Variants in POF1B observed in about 807,000 individuals in gnomAD.
POF1B encodes protein POF1B.
POF1B carries 53 observed loss-of-function variants against 55.3 expected under a neutral mutation model. The observed-to-expected ratio is 0.96, with a 90% CI of 0.77 to 1.20. The LOEUF (loss-of-function observed/expected upper bound fraction) is 1.20. POF1B is among the 50% of genes most tolerant of loss of function. POF1B has a pLI of 0.00. For missense variants in POF1B, 478 were observed against 420.5 expected (o/e 1.14, Z -1.20); for synonymous variants, 188 against 148.3 (o/e 1.27, Z -1.95).
At chrX:85,295,140 T>C (rs1392333842) in intron 15 of POF1B, among the ~76,000 whole-genome samples, 1 of 112,046 alleles carries the variant, frequency 8.9e-6, no homozygotes, top group African/African-American at 3.2e-5. Context: ...AGTGTTCAAT[T>C]GGTCTTTTTT....
At chrX:85,349,579 A>G (rs370242303) in intron 5 of POF1B, among the ~76,000 whole-genome samples, 23 of 111,109 alleles carry the variant, frequency 2.1e-4, no homozygotes, top group African/African-American at 7.2e-4. Flanking sequence ...GGACACAGAA[A>G]CAAACATGCA....
At chrX:85,346,125 A>G in intron 5 of POF1B, 83 bp from the exon 6 acceptor site, 1 of 732,980 alleles carries the variant, frequency 1.4e-6, no homozygotes, top group Non-Finnish European at 1.8e-6. Flanking sequence ...ATTTTTTTAA[A>G]CTTAATGTTT....
intron 7 of POF1B, among the ~76,000 whole-genome samples, chrX:85,319,951 C>A (rs1448114592): frequency 9.0e-6 from 1 of 111,114 alleles, no homozygotes; most frequent in Non-Finnish European, 1.9e-5. Flanking sequence ...ATGATACCAA[C>A]TCTTCCTTAT....
intron 6 of POF1B, among the ~76,000 whole-genome samples, chrX:85,337,414 C>T (rs975990417): frequency 9.0e-6 from 1 of 111,711 alleles, no homozygotes; most frequent in Admixed American, 9.5e-5. Flanking sequence ...TTCAGTGATA[C>T]GAAGTTACAT....
intron 6 of POF1B, among the ~76,000 whole-genome samples, chrX:85,344,005 C>G (rs1933224239): frequency 9.0e-6 from 1 of 111,282 alleles, no homozygotes; most frequent in African/African-American, 3.3e-5. Context: ...ATAGCACCTT[C>G]CTAATCTGAT....
At chrX:85,367,647 A>AT (rs1933748781) in intron 3 of POF1B, 45 bp downstream of exon 3, 2 of 991,006 alleles carry the variant, frequency 2.0e-6, no homozygotes, top group African/African-American at 3.8e-5. Flanking sequence ...AGACTTCCAT[A>AT]TAAAAAAGAG....
At chrX:85,309,472 G>T (rs1367739656) in intron 9 of POF1B, among the ~76,000 whole-genome samples, 2 of 111,510 alleles carry the variant, frequency 1.8e-5, no homozygotes, top group Non-Finnish European at 3.8e-5. Flanking sequence ...ACCCAAATTG[G>T]TGAAAAGAGA....
chrX:85,304,235 T>C, intron 14 of POF1B, 108 bp downstream of exon 14: 1 of 786,629 alleles, frequency 1.3e-6, no homozygotes, highest in Non-Finnish European at 1.7e-6. Context: ...TTAAATAAAG[T>C]GACTCTTGGA....
At position 85,293,689 on chromosome X, in the gene POF1B, A is replaced by G. The variant is rs751912869; in HGVS notation, c.1649+9717T>C. On this transcript the variant is annotated intron_variant, in intron 15 of 16. Coordinates refer to ENST00000262753, the MANE Select transcript of POF1B (RefSeq NM_024921.4). The stretch of plus-strand genomic sequence containing the variant: ...AAAATAAAAGTTAAAGAAGAAAAAA[A>G]CAGGCCGGGCATGGTGGCTCATGTC... Among the ~76,000 whole-genome samples the G allele has an allele frequency of 3.6e-5, 4 of 112,275 alleles. No homozygotes were observed. In the South Asian group the frequency reaches 1.5e-3, roughly 42 times the overall value.
At chrX:85,356,325 G>T (rs751691372) in intron 4 of POF1B, among the ~76,000 whole-genome samples, 1 of 107,202 alleles carries the variant, frequency 9.3e-6, no homozygotes, top group African/African-American at 3.4e-5. Context: ...GGAGGGAGGG[G>T]GGGATAGCAT....
intron 4 of POF1B, among the ~76,000 whole-genome samples, chrX:85,353,941 T>C (rs1933437100): frequency 9.0e-6 from 1 of 111,276 alleles, no homozygotes; most frequent in Non-Finnish European, 1.9e-5. Context: ...CAGATGAGAA[T>C]TATAAAGTGG....
intron 15 of POF1B, among the ~76,000 whole-genome samples, chrX:85,284,064 T>A (rs1310613112): frequency 9.0e-6 from 1 of 110,639 alleles, no homozygotes; most frequent in Non-Finnish European, 1.9e-5. Context: ...CACAATTGCT[T>A]CAAAGAGAAT....
chrX:85,283,042 A>C (rs958051399), intron 15 of POF1B, among the ~76,000 whole-genome samples: 1 of 111,619 alleles, frequency 9.0e-6, no homozygotes, highest in African/African-American at 3.3e-5. Flanking sequence ...AATTAGCCTC[A>C]AAGTACAGGT....
chrX:85,296,800 G>A lies in POF1B; in HGVS notation c.1649+6606C>T, dbSNP rs368984356. ...ATGTCAACCTCTCTAATGAGATTGA[G>A]GAAATTTTCATGGACCATATCCTCA... On this transcript the variant is annotated intron_variant, in intron 15 of 16. Transcript: ENST00000262753. Among the ~76,000 whole-genome samples the A allele has an allele frequency of 8.1e-5, 9 of 111,779 alleles. No homozygotes were observed. In the East Asian group the frequency reaches 2.0e-3, roughly 25 times the overall value.
chrX:85,364,472 A>G (rs1452716747), intron 3 of POF1B, among the ~76,000 whole-genome samples: 2 of 111,787 alleles, frequency 1.8e-5, no homozygotes, highest in Non-Finnish European at 3.8e-5. Flanking sequence ...GCATTTGCTT[A>G]TCTGAAAATA....
At chrX:85,358,938 C>T (rs1933554204) in intron 4 of POF1B, among the ~76,000 whole-genome samples, 1 of 111,244 alleles carries the variant, frequency 9.0e-6, no homozygotes, top group Admixed American at 9.6e-5. Context: ...CATCATGAAA[C>T]TTGAAATTTG....
intron 11 of POF1B, 91 bp downstream of exon 11, chrX:85,307,072 C>T: frequency 1.4e-6 from 1 of 724,682 alleles, no homozygotes; most frequent in South Asian, 2.7e-5. Flanking sequence ...TTAATTCTGT[C>T]TTGATTATAT....
In POF1B at chrX:85,297,940, T is replaced by C. The variant is rs1235262070; in HGVS notation, c.1649+5466A>G. On this transcript the variant is annotated intron_variant, in intron 15 of 16. Coordinates refer to ENST00000262753, the MANE Select transcript of POF1B (RefSeq NM_024921.4). Reference sequence around the variant, plus strand: ...TTGAGACTGGGGGCTCCTCCCCAGATTGAGTTCTGGCAAAAATCTCAACTC... The same window carrying C: ...TTGAGACTGGGGGCTCCTCCCCAGACTGAGTTCTGGCAAAAATCTCAACTC... Among the ~76,000 whole-genome samples, 6 of 112,300 alleles carry C rather than the reference T, an allele frequency of 5.3e-5. No homozygotes were observed. In the East Asian group the frequency reaches 1.4e-3, roughly 26 times the overall value.
intron 13 of POF1B, among the ~76,000 whole-genome samples, chrX:85,305,085 G>A (rs1448010815): frequency 9.0e-6 from 1 of 111,118 alleles, no homozygotes; most frequent in African/African-American, 3.3e-5. Flanking sequence ...AATCAGTGGA[G>A]GAAATCTGCT....
Sources: allele counts gnomAD v4.1 joint callset (sites outside exome capture counted in the v4.1 genomes callset), GRCh38; gene constraint gnomAD v4.1.1; transcripts MANE v1.5; gene names NCBI Gene and HGNC (gene_info 2026-07-23, HGNC 2026-07-21).